Variants in ATAD3B observed in about 807,000 individuals in gnomAD.
ATAD3B encodes ATPase family AAA domain-containing protein 3B.
ATAD3B carries 59 observed loss-of-function variants against 70.2 expected under a neutral mutation model. The observed-to-expected ratio is 0.84, with a 90% CI of 0.68 to 1.04. The LOEUF (loss-of-function observed/expected upper bound fraction) is 1.04, where lower values mean the gene tolerates loss of function less well. ATAD3B is among the 50% of genes least tolerant of loss of function. The pLI is 0.00. For missense variants in ATAD3B, 961 were observed against 913.4 expected, an observed-to-expected ratio of 1.05 and a Z score of -0.67; for synonymous variants, 423 against 388.6, an observed-to-expected ratio of 1.09 and a Z score of -1.04.
intron 13 of ATAD3B, 104 bp from the exon 14 acceptor site, chr1:1,490,153 G>T: frequency 6.6e-7 from 1 of 1,513,716 alleles, no homozygotes; most frequent in East Asian, 2.3e-5. Flanking sequence ...TGCCGCTTTA[G>T]ATTCTCCCAA....
At chr1:1,485,662 G>A in intron 8 of ATAD3B, 120 bp from the exon 9 acceptor site, 2 of 1,489,718 alleles carry the variant, frequency 1.3e-6, no homozygotes, top group South Asian at 1.2e-5. Flanking sequence ...CTCCGGGCCG[G>A]TCCTGGCTGT....
At chr1:1,489,675 C>T (rs1165845412) in intron 13 of ATAD3B, 39 of 1,321,150 alleles carry the variant, frequency 3.0e-5, no homozygotes, top group Non-Finnish European at 3.8e-5. Context: ...TTTTCTTGGT[C>T]TCCTGGGCCC....
At position 1,482,132 on chromosome 1, in the gene ATAD3B, G is replaced by A. The variant is rs748666689; in HGVS notation, c.515-6G>A. On this transcript the variant is annotated splice_polypyrimidine_tract_variant and splice_region_variant and intron_variant, in intron 5 of 15. Coordinates refer to ENST00000673477, the MANE Select transcript of ATAD3B (RefSeq NM_031921.6). The stretch of plus-strand genomic sequence containing the variant: ...GGTGCTGAGCTGCCCTGCCTCTCTG[G>A]GGCAGCCACCGTGGAGCGGGAGATG... 1.1e-5 allele frequency: 18 copies of A among 1,606,068 alleles called. No individual in the cohort carries two copies. Among genetic ancestry groups the A allele is most frequent in the Non-Finnish European group, 1.4e-5 (17 of 1,177,700 alleles).
rs372868325 is a variant in ATAD3B at position 1,490,550 on chromosome 1, A to T, written c.1506-13A>T. On this transcript the variant is annotated splice_polypyrimidine_tract_variant and intron_variant, in intron 14 of 15. Transcript: ENST00000673477. ...GCGGCCTTGGCTGCCTCACTTGGGAACTCCTTCCCCAGGCGCCTGAAGCTG... is the reference window on the plus strand; with the variant it reads ...GCGGCCTTGGCTGCCTCACTTGGGATCTCCTTCCCCAGGCGCCTGAAGCTG... 14 of 1,609,398 alleles carry T rather than the reference A, an allele frequency of 8.7e-6. No homozygotes were observed. The highest frequency in any genetic ancestry group is 1.1e-5 in the Non-Finnish European group (13 of 1,178,612).
chr1:1,500,401 AAAT>A (rs1229807677), downstream of ATAD3B, among the ~76,000 whole-genome samples: 4 of 148,656 alleles, frequency 2.7e-5, no homozygotes, highest in African/African-American at 7.4e-5. Flanking sequence ...AAATACAAAA[AAAT>A]AGCCGGGCGT....
intron 2 of ATAD3B, 75 bp from the exon 3 acceptor site, chr1:1,478,569 G>C: frequency 6.4e-7 from 1 of 1,550,636 alleles, no homozygotes; most frequent in Non-Finnish European, 8.7e-7. Context: ...TGCCGGAGCT[G>C]TGCAGACACA....
rs540673644 is a variant in ATAD3B, at chr1:1,480,804, G to A, written c.445-63G>A. 6.3e-4 allele frequency: 1,008 copies of A among 1,591,236 alleles called. 123 individuals carry two copies. In the African/African-American group the frequency reaches 0.012, roughly 19 times the overall value. On this transcript the variant is annotated intron_variant, in intron 4 of 15. Transcript: ENST00000673477. ...GGTCCTGGGGCGGACGCAACCTCTG[G>A]ATTGGTGTTGAGCATTTTTCTGGTT...
At chr1:1,495,417 G>A (rs1048882164) in intron 15 of ATAD3B, 68 bp from the exon 16 acceptor site, 28 of 1,531,628 alleles carry the variant, frequency 1.8e-5, no homozygotes, top group Middle Eastern at 1.8e-4. Flanking sequence ...CCACCTCGGG[G>A]CCCTGGCGTG....
chr1:1,476,963 C>T (rs1639625060), intron 1 of ATAD3B, among the ~76,000 whole-genome samples: 1 of 152,036 alleles, frequency 6.6e-6, no homozygotes, highest in Admixed American at 6.6e-5. Flanking sequence ...TGCACCACCA[C>T]ACCCAGCTTT....
At position 1,472,061 on chromosome 1, in the gene ATAD3B, C is replaced by G. The variant is rs1456976033; in HGVS notation, c.177C>G (p.Ala59=). The change falls in exon 1 of 16, where the codon GCC becomes GCG. Residue 59 remains alanine (A), a synonymous_variant. Coordinates refer to ENST00000673477, the MANE Select transcript of ATAD3B (RefSeq NM_031921.6). ...ACCCCACCGGCCTGGAGCGCGCCGC[C>G]AAGGCGGCGCGCGAGCTGGAGCACT... is the stretch of plus-strand genomic sequence containing the variant. The part of the protein sequence containing the change: ...NFDPTGLERA[A]KAARELEHSR... 1.2e-5 allele frequency: 14 copies of G among 1,211,530 alleles called. No homozygotes were observed. In the East Asian group the frequency reaches 4.4e-4, roughly 38 times the overall value. The allele number at this position is 1,211,530 out of a possible 1,614,324, so 75.0% of individuals were successfully genotyped here.
chr1:1,478,232 G>A, intron 2 of ATAD3B: 1 of 506,262 alleles, frequency 2.0e-6, no homozygotes, highest in African/African-American at 1.9e-5. Flanking sequence ...CCTGACCTCA[G>A]GTGATCCAGC....
At chr1:1,473,653 G>A (rs892523231) in intron 1 of ATAD3B, among the ~76,000 whole-genome samples, 6 of 150,140 alleles carry the variant, frequency 4.0e-5, no homozygotes, top group South Asian at 2.1e-4. Flanking sequence ...GCGCCACCAC[G>A]CCCAGCTAAT....
At chr1:1,488,318 C>G (rs1640347034) in intron 12 of ATAD3B, among the ~76,000 whole-genome samples, 1 of 151,866 alleles carries the variant, frequency 6.6e-6, no homozygotes, top group African/African-American at 2.4e-5. Flanking sequence ...GGCGACATCT[C>G]CAGCTCAAGC....
Position 1,471,827 on chromosome 1 carries a change from G to A in ATAD3B, c.-58G>A. 1 of 1,244,136 alleles carries A rather than the reference G, an allele frequency of 8.0e-7. No homozygotes were observed. The highest frequency in any genetic ancestry group is 1.0e-6 in the Non-Finnish European group (1 of 992,310). The allele number at this position is 1,244,136 out of a possible 1,614,324, so 77.1% of individuals were successfully genotyped here. ...GCGCGTGGAGGCTGCTCCCAGCCGC[G>A]CCCGAGTCAGACTCGGGTGGGGGTC... On this transcript the variant is annotated 5_prime_UTR_variant, in exon 1 of 16. Transcript: ENST00000673477.
intron 15 of ATAD3B, among the ~76,000 whole-genome samples, chr1:1,494,741 C>T (rs1176806511): frequency 1.3e-5 from 2 of 148,248 alleles, no homozygotes; most frequent in African/African-American, 5.3e-5. Context: ...GGCGAGGGAC[C>T]CACTCAGCTG....
rs1639342865 is a variant in ATAD3B at position 1,471,889 on chromosome 1, C to T, written c.5C>T (p.Ser2Leu). 12 of 1,274,748 alleles carry T rather than the reference C, an allele frequency of 9.4e-6. No individual in the cohort carries two copies. Among genetic ancestry groups the T allele is most frequent in the Middle Eastern group, 3.1e-4 (1 of 3,234 alleles). 79.0% of individuals were successfully genotyped at this position (1,274,748 alleles called of 1,614,324 possible). Residue 2 changes from serine (S) to leucine (L), a missense_variant, in exon 1 of 16, where the codon TCG (serine) becomes TTG (leucine). Transcript: ENST00000673477. M[S>L]WLFGVNKGPK... The stretch of plus-strand genomic sequence containing the variant: ...AGCGGCGGCGGCGGTGCGAGCATGT[C>T]GTGGCTCTTCGGCGTTAACAAGGGC...
At chr1:1,487,722 C>T (rs955025220) in intron 11 of ATAD3B, 141 bp from the exon 12 acceptor site, 3 of 1,077,858 alleles carry the variant, frequency 2.8e-6, no homozygotes. Flanking sequence ...TCTGTCGAGT[C>T]CAGGACTTAG....
At chr1:1,472,221 C>G in intron 1 of ATAD3B, 132 bp downstream of exon 1, 2 of 1,405,118 alleles carry the variant, frequency 1.4e-6, no homozygotes, top group Non-Finnish European at 9.4e-7. Flanking sequence ...CCGGAGCACC[C>G]CCGGCCGGAG....
chr1:1,475,382 G>A (rs1639538264), intron 1 of ATAD3B, among the ~76,000 whole-genome samples: 1 of 150,784 alleles, frequency 6.6e-6, no homozygotes, highest in African/African-American at 2.4e-5. Context: ...CTGCCCCTCT[G>A]CCTGGTAGCC....
Sources: gnomAD v4.1 joint callset for allele counts (sites outside exome capture counted in the v4.1 genomes callset) on GRCh38, gnomAD v4.1.1 for gene constraint, MANE v1.5 for transcripts, NCBI Gene and HGNC (gene_info 2026-07-23, HGNC 2026-07-21) for gene names.